Variants in ZFYVE9 observed in about 807,000 individuals in gnomAD.
The protein encoded by ZFYVE9 is zinc finger FYVE domain-containing protein 9.
ZFYVE9 carries 43 observed loss-of-function variants against 126.7 expected under a neutral mutation model. The ratio of observed to expected loss-of-function variants is 0.34; its 90% CI spans 0.27 to 0.44. ZFYVE9 has a LOEUF of 0.44. ZFYVE9 is among the 20% of genes least tolerant of loss of function. The pLI, the probability that ZFYVE9 is intolerant of heterozygous loss-of-function variation, is 1.00. For synonymous variants in ZFYVE9, 521 were observed against 597.4 expected, an observed-to-expected ratio of 0.87 and a Z score of 1.87; for missense variants, 1,476 against 1,697.0, an observed-to-expected ratio of 0.87 and a Z score of 2.29.
chr1:52,215,888 CATTT>C (rs1295558505), intron 1 of ZFYVE9, among the ~76,000 whole-genome samples: 2 of 151,934 alleles, frequency 1.3e-5, no homozygotes, highest in Admixed American at 6.5e-5. Flanking sequence ...CAAGAGACTC[CATTT>C]GGAGAAAAAA....
At chr1:52,327,802 C>T (rs1646306439) in intron 13 of ZFYVE9, among the ~76,000 whole-genome samples, 3 of 151,558 alleles carry the variant, frequency 2.0e-5, no homozygotes, top group Admixed American at 6.6e-5. Flanking sequence ...GGTCAAACTC[C>T]GTCTCTACTA....
At chr1:52,206,529 T>TTTG (rs369258085) in intron 1 of ZFYVE9, among the ~76,000 whole-genome samples, 5 of 151,882 alleles carry the variant, frequency 3.3e-5, no homozygotes, top group Admixed American at 6.6e-5. Flanking sequence ...AGGTTTCTGT[T>TTTG]TTGTTGTTGT....
chr1:52,263,744 G>A (rs1360925178), intron 4 of ZFYVE9, 29 bp from the exon 5 acceptor site: 2 of 1,064,122 alleles, frequency 1.9e-6, no homozygotes, highest in Non-Finnish European at 2.6e-6. Flanking sequence ...AGTAAATTTT[G>A]TGTGTTCTTC....
At chr1:52,254,944 T>C (rs1645489515) in intron 4 of ZFYVE9, among the ~76,000 whole-genome samples, 1 of 151,700 alleles carries the variant, frequency 6.6e-6, no homozygotes, top group African/African-American at 2.4e-5. Context: ...AATTAAAAAA[T>C]AGCTGGATAT....
Position 52,233,296 on chromosome 1 carries a change from A to T in ZFYVE9, c.70+20A>T, listed in dbSNP as rs1344712215. ...ACGAAGGTGAGAATTTATATTGGTG[A>T]ATCTGTTTGCCTATGTGGTATAGAG... On this transcript the variant is annotated intron_variant, in intron 3 of 18. Coordinates refer to ENST00000287727, the MANE Select transcript of ZFYVE9 (RefSeq NM_004799.4). 6.4e-7 allele frequency: 1 copy of T among 1,555,928 alleles called. No homozygotes were observed. The highest frequency in any genetic ancestry group is 2.3e-5 in the East Asian group (1 of 43,468).
At position 52,332,197 on chromosome 1, in the gene ZFYVE9, AT is replaced by A. The variant is rs200587340; in HGVS notation, c.3439-558del. ...TTACATGCAAAACAGTGGCCCATGA[AT>A]TTTTTTTTTTTTGGATTAGGTCAGA... is the stretch of plus-strand genomic sequence containing the variant. On this transcript the variant is annotated intron_variant, in intron 13 of 18. Coordinates refer to ENST00000287727, the MANE Select transcript of ZFYVE9 (RefSeq NM_004799.4). Among the ~76,000 whole-genome samples the A allele has an allele frequency of 5.7e-3, 828 of 146,316 alleles. 14 individuals carry two copies. Among genetic ancestry groups the A allele is most frequent in the South Asian group, 0.047 (216 of 4,618 alleles).
At chr1:52,268,215 T>C (rs1210002775) in intron 6 of ZFYVE9, among the ~76,000 whole-genome samples, 3 of 152,234 alleles carry the variant, frequency 2.0e-5, no homozygotes, top group African/African-American at 7.2e-5. Context: ...TTAAGAACTC[T>C]TAATATTTCA....
intron 17 of ZFYVE9, among the ~76,000 whole-genome samples, chr1:52,343,382 G>C (rs1241740647): frequency 2.0e-5 from 3 of 152,124 alleles, no homozygotes; most frequent in Admixed American, 6.5e-5. Context: ...GGAGGTGGAG[G>C]CTGCAGTGAG....
At chr1:52,281,598 C>A (rs1024597478) in intron 9 of ZFYVE9, 63 bp from the exon 10 acceptor site, 44 of 1,569,724 alleles carry the variant, frequency 2.8e-5, no homozygotes, top group Non-Finnish European at 3.5e-5. Flanking sequence ...TTCTGTGCAT[C>A]TTTTTTTAAG....
chr1:52,143,667 G>A (rs78656799), intron 1 of ZFYVE9, among the ~76,000 whole-genome samples: 11,683 of 152,172 alleles, frequency 0.077, 597 homozygotes, highest in Non-Finnish European at 0.11. Context: ...TTATCTGACT[G>A]TTCCATTTTA....
chr1:52,169,574 C>G (rs965633271), intron 1 of ZFYVE9, among the ~76,000 whole-genome samples: 3 of 152,114 alleles, frequency 2.0e-5, no homozygotes, highest in Non-Finnish European at 4.4e-5. Flanking sequence ...CTTGCTGTTT[C>G]ATCTCCAGTG....
At chr1:52,319,886 G>A (rs1318871305) in intron 13 of ZFYVE9, among the ~76,000 whole-genome samples, 1 of 149,728 alleles carries the variant, frequency 6.7e-6, no homozygotes, top group African/African-American at 2.4e-5. Context: ...GGTAATGTGT[G>A]CCTGTAATCT....
chr1:52,286,570 G>T (rs1645863042), intron 10 of ZFYVE9, among the ~76,000 whole-genome samples: 1 of 152,186 alleles, frequency 6.6e-6, no homozygotes, highest in Non-Finnish European at 1.5e-5. Flanking sequence ...ATCGGAGGTT[G>T]TAGACTATAT....
At chr1:52,333,223 T>C (rs1034861049) in intron 14 of ZFYVE9, among the ~76,000 whole-genome samples, 3 of 151,318 alleles carry the variant, frequency 2.0e-5, no homozygotes, top group Non-Finnish European at 4.4e-5. Flanking sequence ...TAACATGGCA[T>C]GTGTATACGT....
intron 4 of ZFYVE9, among the ~76,000 whole-genome samples, chr1:52,245,636 A>T (rs1240276891): frequency 6.6e-6 from 1 of 152,206 alleles, no homozygotes; most frequent in Non-Finnish European, 1.5e-5. Context: ...AAACTCAGGG[A>T]CTTTGACTTC....
intron 12 of ZFYVE9, among the ~76,000 whole-genome samples, chr1:52,299,116 A>G (rs992255461): frequency 6.6e-6 from 1 of 152,056 alleles, no homozygotes; most frequent in Non-Finnish European, 1.5e-5. Context: ...CCCTTTTTCA[A>G]TGTTTTAGAG....
intron 10 of ZFYVE9, among the ~76,000 whole-genome samples, chr1:52,291,454 A>G (rs1355171165): frequency 6.6e-6 from 1 of 152,256 alleles, no homozygotes; most frequent in Non-Finnish European, 1.5e-5. Context: ...TCGTTGTTCC[A>G]TCATTGAGCA....
chr1:52,303,893 A>G lies in ZFYVE9; in HGVS notation c.3406A>G (p.Ser1136Gly), dbSNP rs755385058. The change falls in exon 13 of 19, where the codon AGC becomes GGC. Residue 1136 changes from serine to glycine, a missense_variant. By Grantham distance (56) the Ser-to-Gly change is moderately conservative. Coordinates refer to ENST00000287727, the MANE Select transcript of ZFYVE9 (RefSeq NM_004799.4). Reference protein sequence around the residue: ...LVVDMEVRKTSIKIPSNRYNE... With the variant: ...LVVDMEVRKTGIKIPSNRYNE... ...GGTTGATATGGAAGTTCGGAAAACT[A>G]GCATCAAAATTCCCAGCAACAGATA... is the stretch of plus-strand genomic sequence containing the variant. 3 of 1,601,502 alleles carry G rather than the reference A, an allele frequency of 1.9e-6. No homozygotes were observed. Among genetic ancestry groups the G allele is most frequent in the Non-Finnish European group, 1.7e-6 (2 of 1,174,090 alleles).
At chr1:52,180,062 G>C (rs1353597000) in intron 1 of ZFYVE9, 1 of 840,560 alleles carries the variant, frequency 1.2e-6, no homozygotes, top group Non-Finnish European at 2.1e-6. Flanking sequence ...TGTACAGACA[G>C]CAGAGACTGG....
Sources: allele counts gnomAD v4.1 joint callset (sites outside exome capture counted in the v4.1 genomes callset), GRCh38; gene constraint gnomAD v4.1.1; transcripts MANE v1.5; gene names NCBI Gene and HGNC (gene_info 2026-07-23, HGNC 2026-07-21).